MYH16: variants seen among roughly 807,000 people sequenced by gnomAD.
MYH16 encodes myosin heavy chain 16.
exon 34 of MYH16, chr7:99,296,863 G>A (rs971939548): frequency 1.7e-5 from 8 of 457,790 alleles, no homozygotes; most frequent in Admixed American, 9.4e-5. Context: ...GACTGCCTAC[G>A]AGGAGTCTCT....
At chr7:99,292,338 G>A (rs906343096) in exon 32 of MYH16, 3 of 456,630 alleles carry the variant, frequency 6.6e-6, no homozygotes, top group Non-Finnish European at 1.3e-5. Flanking sequence ...TGGTGAGTCT[G>A]GCCAACACCA....
At chr7:99,294,378 G>A (rs1049447315) in intron 33 of MYH16, among the ~76,000 whole-genome samples, 3 of 151,124 alleles carry the variant, frequency 2.0e-5, no homozygotes, top group Non-Finnish European at 4.4e-5. Context: ...TTTAAACAGG[G>A]CCACAAAACC....
chr7:99,299,584 A>G (rs1384027353), exon 37 of MYH16: 3 of 153,738 alleles, frequency 2.0e-5, no homozygotes, highest in African/African-American at 7.2e-5. Context: ...TGAGATGGAA[A>G]TCCAGCTGGA....
At chr7:99,281,615 G>GA (rs1792199691) in intron 23 of MYH16, among the ~76,000 whole-genome samples, 1 of 152,164 alleles carries the variant, frequency 6.6e-6, no homozygotes, top group Non-Finnish European at 1.5e-5. Context: ...GCACACTGGA[G>GA]AAAGTATGCT....
intron 11 of MYH16, among the ~76,000 whole-genome samples, chr7:99,259,106 A>G (rs991554322): frequency 2.0e-5 from 3 of 152,212 alleles, no homozygotes; most frequent in African/African-American, 7.2e-5. Context: ...ATCTGACCCT[A>G]TGATCCAATG....
intron 23 of MYH16, among the ~76,000 whole-genome samples, chr7:99,281,590 T>C (rs17161647): frequency 0.11 from 16,388 of 151,826 alleles, 2,558 homozygotes; most frequent in African/African-American, 0.34. Flanking sequence ...CAATTATGAG[T>C]TAGGTTGGGC....
At chr7:99,298,979 C>A (rs964566708) in intron 36 of MYH16, among the ~76,000 whole-genome samples, 1 of 151,506 alleles carries the variant, frequency 6.6e-6, no homozygotes, top group African/African-American at 2.4e-5. Flanking sequence ...GTAATCCTAG[C>A]ACTTTGGGAG....
At chr7:99,259,673 G>A (rs914386905) in intron 11 of MYH16, among the ~76,000 whole-genome samples, 21 of 150,910 alleles carry the variant, frequency 1.4e-4, no homozygotes, top group African/African-American at 5.1e-4. Flanking sequence ...GACCAGGCTG[G>A]AGACCTCATC....
intron 22 of MYH16, among the ~76,000 whole-genome samples, 178 bp from the exon 5 acceptor site, chr7:99,280,698 C>T (rs1022825888): frequency 2.0e-5 from 3 of 152,148 alleles, no homozygotes; most frequent in Non-Finnish European, 4.4e-5. Context: ...GGGGACCACA[C>T]TTTGAGAAGC....
exon 36 of MYH16, chr7:99,297,928 C>T (rs1792527037): frequency 2.2e-6 from 1 of 456,566 alleles, no homozygotes; most frequent in South Asian, 1.5e-5. Context: ...TCAGTTGGAA[C>T]TGGCTCAGGT....
At chr7:99,284,527 T>C (rs929954423) in intron 25 of MYH16, among the ~76,000 whole-genome samples, 2 of 152,154 alleles carry the variant, frequency 1.3e-5, no homozygotes, top group African/African-American at 4.8e-5. Flanking sequence ...AGGTCAAGGC[T>C]GCAGTGAGCC....
chr7:99,288,739 T>C (rs918147931), intron 29 of MYH16, among the ~76,000 whole-genome samples: 2 of 152,148 alleles, frequency 1.3e-5, no homozygotes, highest in South Asian at 4.1e-4. Flanking sequence ...CTTCGATTTC[T>C]TCATCTGTAA....
exon 42 of MYH16, chr7:99,306,612 G>A (rs1422018732): frequency 6.6e-6 from 1 of 152,664 alleles, no homozygotes; most frequent in African/African-American, 2.4e-5. Flanking sequence ...GTCACAGGAG[G>A]ACCAGGCCAA....
At chr7:99,304,538 T>G (rs1203571252) in intron 39 of MYH16, 48 bp from the exon 21 acceptor site, 1 of 152,542 alleles carries the variant, frequency 6.6e-6, no homozygotes, top group Admixed American at 6.5e-5. Context: ...GCTATGAGCC[T>G]GGGTAGCACC....
intron 33 of MYH16, among the ~76,000 whole-genome samples, chr7:99,295,332 G>A (rs569333002): frequency 1.3e-5 from 2 of 151,898 alleles, no homozygotes; most frequent in East Asian, 3.9e-4. Context: ...GAGCCAAATC[G>A]TGCCACTGCA....
intron 38 of MYH16, among the ~76,000 whole-genome samples, chr7:99,302,309 A>ATATAT (rs1267117853): frequency 2.9e-4 from 33 of 114,444 alleles, no homozygotes; most frequent in African/African-American, 1.6e-3. Flanking sequence ...CAAAAAAAAA[A>ATATAT]AAATATATAC....
intron 20 of MYH16, among the ~76,000 whole-genome samples, chr7:99,277,030 TGAGAGAGACACAGAGAGA>T (rs377290457): frequency 0.11 from 15,149 of 143,950 alleles, 1,781 homozygotes; most frequent in African/African-American, 0.3. Flanking sequence ...AGGAATGGCA[TGAGAGAGACACAGAGAGA>T]GAGAGAGACA....
chr7:99,267,524 C>T (rs1229318627), intron 18 of MYH16, among the ~76,000 whole-genome samples: 1 of 152,218 alleles, frequency 6.6e-6, no homozygotes, highest in Non-Finnish European at 1.5e-5. Flanking sequence ...GCCACCACAC[C>T]TGGCCTGAGC....
chr7:99,239,530 G>T (rs4236543), intron 1 of MYH16, among the ~76,000 whole-genome samples: 20 of 152,192 alleles, frequency 1.3e-4, no homozygotes, highest in Admixed American at 9.2e-4. Context: ...TGGAGCATGG[G>T]GGTGGTGTGC....
Sources: allele counts gnomAD v4.1 joint callset (sites outside exome capture counted in the v4.1 genomes callset), GRCh38; gene constraint gnomAD v4.1.1; transcripts MANE v1.5; gene names NCBI Gene and HGNC (gene_info 2026-07-23, HGNC 2026-07-21).